Variants in ZNF667 observed in about 807,000 individuals in gnomAD.
ZNF667 encodes zinc finger protein 667.
In ZNF667, 13 loss-of-function variants were observed where a neutral mutation model predicts 31.8. The ratio of observed to expected loss-of-function variants is 0.41; its 90% CI spans 0.27 to 0.65. The LOEUF (loss-of-function observed/expected upper bound fraction) is 0.65. ZNF667 is among the 30% of genes least tolerant of loss of function. The pLI, the probability that ZNF667 is intolerant of heterozygous loss-of-function variation, is 0.32. For missense variants in ZNF667, 642 were observed against 725.6 expected (o/e 0.88, Z 1.32); for synonymous variants, 228 against 247.1 (o/e 0.92, Z 0.73).
At chr19:56,460,117 T>C (rs1405024490) in intron 5 of ZNF667, among the ~76,000 whole-genome samples, 2 of 152,212 alleles carry the variant, frequency 1.3e-5, no homozygotes, top group Admixed American at 6.5e-5. Context: ...AAAAAATTTG[T>C]ATATGTTCAT....
intron 5 of ZNF667, among the ~76,000 whole-genome samples, chr19:56,459,473 G>A (rs1413693925): frequency 6.6e-6 from 1 of 152,058 alleles, no homozygotes; most frequent in Admixed American, 6.6e-5. Context: ...GTTTCATCTG[G>A]CTCCTCAGAA....
At chr19:56,468,717 T>C (rs2043220172) in intron 3 of ZNF667, 2 of 152,234 alleles carry the variant, frequency 1.3e-5, no homozygotes, top group African/African-American at 4.8e-5. Context: ...AGGAGTTTTA[T>C]GCCAGGAAAC....
chr19:56,453,492 A>C (rs576742853), intron 6 of ZNF667, among the ~76,000 whole-genome samples: 74 of 152,368 alleles, frequency 4.9e-4, no homozygotes, highest in Admixed American at 9.8e-4. Context: ...CAGATCTTTC[A>C]TCATGAACAA....
intron 2 of ZNF667, chr19:56,472,500 T>C (rs1387075597): frequency 6.6e-6 from 1 of 152,182 alleles, no homozygotes; most frequent in African/African-American, 2.4e-5. Flanking sequence ...TGAGTGTGCC[T>C]ACCTCTCCGG....
rs2043348701 is a variant in ZNF667, at chr19:56,474,025, G to A, written c.-562C>T. ...GATCGCACATACCACATCAAGGCAG[G>A]GCTGTAAACCTGGCTCGTCTTCCGA... is the stretch of plus-strand genomic sequence containing the variant. On this transcript the variant is annotated 5_prime_UTR_variant, in exon 2 of 7. Transcript: ENST00000504904. The A allele has an allele frequency of 6.6e-6, 1 of 152,194 alleles. No individual in the cohort carries two copies. The highest frequency in any genetic ancestry group is 6.5e-5 in the Admixed American group (1 of 15,286). The allele number at this position is 152,194 out of a possible 1,614,324, so 9.4% of individuals were successfully genotyped here. A position where few individuals can be genotyped will look rare whatever the true frequency, so the allele number is the denominator to read the frequency against.
chr19:56,446,809 C>T (rs555548487), intron 6 of ZNF667, among the ~76,000 whole-genome samples: 1 of 152,266 alleles, frequency 6.6e-6, no homozygotes, highest in East Asian at 1.9e-4. Context: ...CTCCTATAGT[C>T]CTTCCCACCC....
At chr19:56,451,860 C>A (rs1418753215) in intron 6 of ZNF667, among the ~76,000 whole-genome samples, 7 of 118,916 alleles carry the variant, frequency 5.9e-5, no homozygotes, top group Admixed American at 4.6e-4. Flanking sequence ...CAGAGCAAGA[C>A]CCTGTCTCAA....
intron 3 of ZNF667, among the ~76,000 whole-genome samples, chr19:56,463,349 G>C (rs1329864068): frequency 6.6e-6 from 1 of 152,132 alleles, no homozygotes; most frequent in African/African-American, 2.4e-5. Context: ...GGTGGGTGGA[G>C]TGGAGGAAGG....
chr19:56,456,668 CT>C (rs1241727747), intron 6 of ZNF667, among the ~76,000 whole-genome samples: 2 of 151,952 alleles, frequency 1.3e-5, no homozygotes, highest in African/African-American at 4.8e-5. Flanking sequence ...AAATTAGAAT[CT>C]AAATGGAAAA....
At position 56,450,323 on chromosome 19, in the gene ZNF667, G is replaced by C. The variant is rs1425525609; in HGVS notation, c.254-7582C>G. Among the ~76,000 whole-genome samples the C allele has an allele frequency of 2.6e-5, 4 of 152,110 alleles. No homozygotes were observed. In the East Asian group the frequency reaches 7.7e-4, roughly 29 times the overall value. The stretch of plus-strand genomic sequence containing the variant: ...GAGAGAGAATTATGATATATTTAAA[G>C]AGCTGAAGAAAACAAAAACATTTAT... On this transcript the variant is annotated intron_variant, in intron 6 of 6. Coordinates refer to ENST00000504904, the MANE Select transcript of ZNF667 (RefSeq NM_001321356.2).
intron 6 of ZNF667, among the ~76,000 whole-genome samples, chr19:56,451,393 C>A (rs1167962632): frequency 6.6e-6 from 1 of 151,662 alleles, no homozygotes; most frequent in African/African-American, 2.4e-5. Flanking sequence ...TTAACCACTT[C>A]ATTTTCAGCA....
intron 3 of ZNF667, among the ~76,000 whole-genome samples, chr19:56,466,578 C>A (rs1322476756): frequency 6.6e-6 from 1 of 152,182 alleles, no homozygotes; most frequent in African/African-American, 2.4e-5. Context: ...TAAAACATGA[C>A]TAGAGTGACT....
At chr19:56,450,657 A>C (rs1006569683) in intron 6 of ZNF667, among the ~76,000 whole-genome samples, 2 of 152,216 alleles carry the variant, frequency 1.3e-5, no homozygotes, top group African/African-American at 4.8e-5. Context: ...AAAAACGGCA[A>C]CTACAACAAC....
chr19:56,459,178 A>T (rs371551032), intron 5 of ZNF667, among the ~76,000 whole-genome samples: 2 of 152,202 alleles, frequency 1.3e-5, no homozygotes, highest in Non-Finnish European at 2.9e-5. Flanking sequence ...TAAATCTCAC[A>T]TGGAAAGGCA....
upstream of ZNF667, chr19:56,478,078 G>A (rs1313956460): frequency 6.6e-6 from 1 of 152,364 alleles, no homozygotes; most frequent in East Asian, 1.9e-4. Context: ...GTGGCGCTCG[G>A]ACTACATTTC....
intron 6 of ZNF667, among the ~76,000 whole-genome samples, chr19:56,452,306 T>C (rs2147730787): frequency 6.6e-6 from 1 of 152,246 alleles, no homozygotes; most frequent in Middle Eastern, 3.4e-3. Context: ...CACCTCGGCC[T>C]CCCAAAGTGC....
intron 3 of ZNF667, chr19:56,470,112 C>T (rs1037453398): frequency 2.3e-6 from 1 of 442,126 alleles, no homozygotes; most frequent in Non-Finnish European, 4.6e-6. Context: ...CTTTACCTCC[C>T]TCCTTTACAT....
intron 6 of ZNF667, among the ~76,000 whole-genome samples, chr19:56,454,220 T>C (rs1441183750): frequency 1.3e-5 from 2 of 152,130 alleles, no homozygotes; most frequent in African/African-American, 4.8e-5. Context: ...CTCATGGATT[T>C]GAAGAATAAT....
At chr19:56,476,690 C>G (rs1289590207) in intron 1 of ZNF667, among the ~76,000 whole-genome samples, 1 of 152,210 alleles carries the variant, frequency 6.6e-6, no homozygotes, top group East Asian at 1.9e-4. Flanking sequence ...GCTAAGAATT[C>G]TTCCCCTGTG....
Sources: gnomAD v4.1 joint callset for allele counts (sites outside exome capture counted in the v4.1 genomes callset) on GRCh38, gnomAD v4.1.1 for gene constraint, MANE v1.5 for transcripts, NCBI Gene and HGNC (gene_info 2026-07-23, HGNC 2026-07-21) for gene names.